Variants in MSN observed in about 807,000 individuals in gnomAD.
MSN encodes the protein moesin.
A neutral mutation model predicts 48.0 loss-of-function variants in MSN; 2 were observed. The ratio of observed to expected loss-of-function variants is 0.04; its 90% CI spans 0.02 to 0.13. The LOEUF is 0.13. Ranked by LOEUF, MSN falls within the 10% of genes least tolerant of loss-of-function variation. MSN has a pLI of 1.00. For missense variants in MSN, 267 were observed against 470.1 expected, an observed-to-expected ratio of 0.57 and a Z score of 3.99; for synonymous variants, 146 against 166.9, an observed-to-expected ratio of 0.87 and a Z score of 0.97.
At chrX:65,713,008 G>A (rs1602839573) in intron 1 of MSN, among the ~76,000 whole-genome samples, 1 of 111,085 alleles carries the variant, frequency 9.0e-6, no homozygotes, top group East Asian at 2.8e-4. Flanking sequence ...CCAATGTGGA[G>A]ATAATACTCT....
intron 1 of MSN, among the ~76,000 whole-genome samples, chrX:65,670,355 C>G (rs1400163858): frequency 1.8e-5 from 2 of 111,902 alleles, no homozygotes; most frequent in East Asian, 5.6e-4. Context: ...TGCAGCATGT[C>G]TACAACCTAT....
intron 1 of MSN, among the ~76,000 whole-genome samples, chrX:65,712,338 C>T (rs1459384388): frequency 8.1e-5 from 9 of 111,009 alleles, no homozygotes; most frequent in Non-Finnish European, 1.1e-4. Flanking sequence ...TGATCCTCAT[C>T]GTAATTGTTT....
chrX:65,603,699 T>A (rs1219527317), intron 1 of MSN, among the ~76,000 whole-genome samples: 6 of 112,575 alleles, frequency 5.3e-5, no homozygotes, highest in African/African-American at 1.6e-4. Flanking sequence ...TCCGGAAGAA[T>A]AAGAGCCATA....
At chrX:65,602,381 CT>C (rs1405433873) in intron 1 of MSN, among the ~76,000 whole-genome samples, 1 of 112,087 alleles carries the variant, frequency 8.9e-6, no homozygotes, top group East Asian at 2.8e-4. Flanking sequence ...CATTTCCCAG[CT>C]GTATGCAACA....
At chrX:65,633,478 G>A (rs1420451689) in intron 1 of MSN, among the ~76,000 whole-genome samples, 1 of 112,487 alleles carries the variant, frequency 8.9e-6, no homozygotes, top group South Asian at 3.7e-4. Flanking sequence ...TTCTGATTAA[G>A]ACAATAAACC....
At chrX:65,663,488 G>A (rs1380718732), upstream of MSN, among the ~76,000 whole-genome samples, 2 of 111,160 alleles carry the variant, frequency 1.8e-5, no homozygotes, top group Non-Finnish European at 3.8e-5. Flanking sequence ...TGGAGAAAAG[G>A]GAATGCTTAT....
At chrX:65,616,697 T>G (rs1275932655) in intron 1 of MSN, among the ~76,000 whole-genome samples, 2 of 99,535 alleles carry the variant, frequency 2.0e-5, no homozygotes, top group Admixed American at 2.3e-4. Context: ...ATACCCTTTA[T>G]TTCCTTCTCC....
chrX:65,631,864 C>T (rs2070561580), intron 1 of MSN, among the ~76,000 whole-genome samples: 1 of 111,181 alleles, frequency 9.0e-6, no homozygotes, highest in Non-Finnish European at 1.9e-5. Context: ...ATTTTGTAGA[C>T]ATGGAATCAA....
chrX:65,667,986 G>C, intron 1 of MSN, 133 bp downstream of exon 1: 1 of 755,635 alleles, frequency 1.3e-6, no homozygotes. Flanking sequence ...GCCAAGGGTA[G>C]GGAGGGGACC....
intron 1 of MSN, among the ~76,000 whole-genome samples, chrX:65,628,537 C>A (rs955897340): frequency 5.4e-5 from 6 of 111,372 alleles, no homozygotes; most frequent in Admixed American, 9.5e-5. Context: ...GCTCACGAAA[C>A]CACTTTTTCC....
chrX:65,626,058 C>G (rs775849581), intron 1 of MSN, among the ~76,000 whole-genome samples: 103 of 107,953 alleles, frequency 9.5e-4, no homozygotes, highest in African/African-American at 3.3e-3. Flanking sequence ...GGGTTCACAC[C>G]ATTCTCCTGC....
chrX:65,682,381 ATTG>A (rs766164783), intron 1 of MSN, among the ~76,000 whole-genome samples: 27 of 111,949 alleles, frequency 2.4e-4, no homozygotes, highest in Admixed American at 6.6e-4. Flanking sequence ...TGTTGTTTTT[ATTG>A]TTGTTGTTGG....
chrX:65,667,498 C>T (rs369198047), upstream of MSN: 14 of 390,589 alleles, frequency 3.6e-5, 1 homozygote, highest in East Asian at 2.9e-3. Context: ...CGGGCCCAGC[C>T]GGGCCCCCCA....
At chrX:65,616,097 T>A (rs1309081703) in intron 1 of MSN, among the ~76,000 whole-genome samples, 6 of 111,669 alleles carry the variant, frequency 5.4e-5, no homozygotes, top group Non-Finnish European at 1.1e-4. Context: ...CATGCTGTTT[T>A]GGTTACTGTA....
chrX:65,736,593 C>T (rs2071678634), intron 8 of MSN, among the ~76,000 whole-genome samples: 1 of 110,668 alleles, frequency 9.0e-6, no homozygotes, highest in South Asian at 3.9e-4. Context: ...TGCCACTATG[C>T]CCAGCCAATT....
intron 10 of MSN, among the ~76,000 whole-genome samples, chrX:65,737,610 A>G (rs779815552): frequency 2.5e-4 from 28 of 112,118 alleles, no homozygotes; most frequent in African/African-American, 9.1e-4. Flanking sequence ...GGAAGGAGAA[A>G]AGAACAAAAG....
chrX:65,642,240 C>A (rs1394073394), intron 1 of MSN, among the ~76,000 whole-genome samples: 1 of 109,476 alleles, frequency 9.1e-6, no homozygotes, highest in Non-Finnish European at 1.9e-5. Context: ...CACTATGAAG[C>A]CACATAAAAT....
intron 1 of MSN, among the ~76,000 whole-genome samples, chrX:65,642,656 G>A (rs2070665973): frequency 9.0e-6 from 1 of 111,656 alleles, no homozygotes; most frequent in Non-Finnish European, 1.9e-5. Flanking sequence ...TTATATAAAT[G>A]CAGCTCTTTG....
intron 1 of MSN, among the ~76,000 whole-genome samples, chrX:65,633,227 T>A (rs2070572263): frequency 9.0e-6 from 1 of 111,323 alleles, no homozygotes; most frequent in African/African-American, 3.3e-5. Flanking sequence ...TCCCCAAGGG[T>A]GATATCTGAC....
Sources: gnomAD v4.1 joint callset for allele counts (sites outside exome capture counted in the v4.1 genomes callset) on GRCh38, gnomAD v4.1.1 for gene constraint, MANE v1.5 for transcripts, NCBI Gene and HGNC (gene_info 2026-07-23, HGNC 2026-07-21) for gene names.